SHB: variants seen among roughly 807,000 people sequenced by gnomAD.
The protein encoded by SHB is SH2 domain-containing adapter protein B.
In SHB, 20 loss-of-function variants were observed where a neutral mutation model predicts 52.3. The observed-to-expected ratio is 0.38, with a 90% CI of 0.27 to 0.56. The LOEUF (loss-of-function observed/expected upper bound fraction) is 0.56, where lower values mean the gene tolerates loss of function less well. Ranked by LOEUF, SHB falls within the 20% of genes least tolerant of loss-of-function variation. The probability of loss-of-function intolerance (pLI) is 0.71; values close to 1 mark genes in which losing one functional copy is unlikely to be tolerated. For synonymous variants in SHB, 397 were observed against 316.5 expected (o/e 1.25, Z -2.70); for missense variants, 825 against 723.3 (o/e 1.14, Z -1.61).
At chr9:37,950,411 C>T (rs372965670) in intron 4 of SHB, among the ~76,000 whole-genome samples, 6 of 152,086 alleles carry the variant, frequency 3.9e-5, no homozygotes, top group East Asian at 1.9e-4. Context: ...CCTATAGGCA[C>T]GCACCGCCAT....
At chr9:38,036,955 T>C (rs1055814422) in intron 1 of SHB, among the ~76,000 whole-genome samples, 1 of 152,134 alleles carries the variant, frequency 6.6e-6, no homozygotes, top group Non-Finnish European at 1.5e-5. Flanking sequence ...CTCTTAATCT[T>C]ATGCTCAACA....
intron 3 of SHB, among the ~76,000 whole-genome samples, chr9:37,960,807 C>T (rs1028369698): frequency 3.3e-5 from 5 of 152,150 alleles, no homozygotes; most frequent in Admixed American, 1.3e-4. Context: ...GGCCCTGCCA[C>T]GTGGGTAATG....
In SHB at chr9:37,974,676, C is replaced by G. The variant is rs765729236; in HGVS notation, c.1000G>C (p.Asp334His). The change falls in exon 3 of 6, where the codon GAT becomes CAT. Residue 334 changes from aspartate to histidine, a missense_variant. Physicochemically the swap from Asp to His is moderately conservative, Grantham distance 81. Transcript: ENST00000377707. ...KLPQDDDRPA[D>H]EYDQPWEWNR... ...CACTCCCAAGGCTGGTCGTACTCAT[C>G]GGCGGGCCTGTCGTCATCCTGGGGC... 3.7e-6 allele frequency: 6 copies of G among 1,613,792 alleles called. No individual in the cohort carries two copies. Among genetic ancestry groups the G allele is most frequent in the Admixed American group, 3.3e-5 (2 of 59,970 alleles).
At chr9:37,950,086 G>A (rs994140620) in intron 4 of SHB, among the ~76,000 whole-genome samples, 3 of 152,100 alleles carry the variant, frequency 2.0e-5, no homozygotes, top group Non-Finnish European at 2.9e-5. Flanking sequence ...CTACAGGTGC[G>A]TGCCACCATA....
chr9:38,033,148 T>C (rs1051962324), intron 1 of SHB, among the ~76,000 whole-genome samples: 1 of 152,208 alleles, frequency 6.6e-6, no homozygotes, highest in Non-Finnish European at 1.5e-5. Flanking sequence ...CTGGACGATC[T>C]AAGGAGATGA....
intron 2 of SHB, among the ~76,000 whole-genome samples, chr9:37,980,773 C>T (rs964290777): frequency 1.8e-4 from 27 of 152,164 alleles, no homozygotes; most frequent in South Asian, 2.1e-4. Flanking sequence ...CCATGGGCCG[C>T]GGAATGGATG....
chr9:38,066,573 G>A (rs1385715162), intron 1 of SHB, among the ~76,000 whole-genome samples: 2 of 152,168 alleles, frequency 1.3e-5, no homozygotes, highest in Non-Finnish European at 2.9e-5. Context: ...GGCATCCTAG[G>A]TGCTTTAGAA....
intron 1 of SHB, among the ~76,000 whole-genome samples, chr9:38,059,492 T>G (rs1262636270): frequency 6.6e-6 from 1 of 152,174 alleles, no homozygotes; most frequent in Non-Finnish European, 1.5e-5. Flanking sequence ...TCTTCCTGCC[T>G]CGGGAGTTAG....
chr9:38,001,805 A>G (rs765580048), intron 2 of SHB, among the ~76,000 whole-genome samples: 16 of 152,200 alleles, frequency 1.1e-4, no homozygotes, highest in Non-Finnish European at 2.1e-4. Flanking sequence ...CAATGACTTG[A>G]GCGCTTGGCA....
At chr9:38,013,147 A>G (rs1471469353) in intron 2 of SHB, among the ~76,000 whole-genome samples, 1 of 152,184 alleles carries the variant, frequency 6.6e-6, no homozygotes, top group African/African-American at 2.4e-5. Context: ...TAAAAATAAG[A>G]ATTGTGGGTA....
intron 4 of SHB, among the ~76,000 whole-genome samples, chr9:37,951,951 G>GA (rs1419035748): frequency 1.3e-5 from 2 of 152,220 alleles, no homozygotes; most frequent in African/African-American, 4.8e-5. Context: ...GCTTCACCTG[G>GA]AAAGAGAATC....
chr9:37,955,105 G>T lies in SHB; in HGVS notation c.1226+778C>A, dbSNP rs997012089. ...TCAAGCAGACATGGAGCAAGAACAC[G>T]ACTGTAGCTAGAAAATAAATCTAAT... is the stretch of plus-strand genomic sequence containing the variant. On this transcript the variant is annotated intron_variant, in intron 4 of 5. Coordinates refer to ENST00000377707, the MANE Select transcript of SHB (RefSeq NM_003028.3). Among the ~76,000 whole-genome samples, 5 of 152,302 alleles carry T rather than the reference G, an allele frequency of 3.3e-5. No homozygotes were observed. The East Asian group carries it at 5.8e-4, about 18-fold the overall frequency.
intron 3 of SHB, among the ~76,000 whole-genome samples, chr9:37,958,188 G>A (rs1330399443): frequency 6.6e-6 from 1 of 152,184 alleles, no homozygotes; most frequent in East Asian, 1.9e-4. Context: ...GGGACAGAGA[G>A]CATGTGTACA....
chr9:37,925,959 G>A (rs547232022), intron 5 of SHB, among the ~76,000 whole-genome samples: 3 of 152,262 alleles, frequency 2.0e-5, no homozygotes, highest in South Asian at 2.1e-4. Flanking sequence ...TCTGATCCCT[G>A]GGAGCACTGC....
At chr9:37,941,239 G>A (rs529698068) in intron 5 of SHB, among the ~76,000 whole-genome samples, 157 of 152,304 alleles carry the variant, frequency 1.0e-3, no homozygotes, top group Admixed American at 2.0e-3. Flanking sequence ...CCAACAACCC[G>A]TGGCTCTCTG....
At chr9:38,061,180 C>T (rs190747795) in intron 1 of SHB, among the ~76,000 whole-genome samples, 18 of 152,006 alleles carry the variant, frequency 1.2e-4, no homozygotes, top group Non-Finnish European at 2.1e-4. Context: ...GGTGTGCTGG[C>T]GTGTGACTAT....
At position 37,997,163 on chromosome 9, in the gene SHB, C is replaced by T. The variant is rs544911270; in HGVS notation, c.838+18848G>A. Among the ~76,000 whole-genome samples, 92 of 152,324 alleles carry T rather than the reference C, an allele frequency of 6.0e-4. 1 individual carries two copies. Among genetic ancestry groups the T allele is most frequent in the African/African-American group, 2.2e-3 (91 of 41,578 alleles). Reference sequence around the variant, plus strand: ...TAGTCATCGAACATCTTGGCAGCCACGTCTCCCCTCTGTAAGTTCTTGAAG... The same window carrying T: ...TAGTCATCGAACATCTTGGCAGCCATGTCTCCCCTCTGTAAGTTCTTGAAG... On this transcript the variant is annotated intron_variant, in intron 2 of 5. Transcript: ENST00000377707.
intron 5 of SHB, chr9:37,936,755 G>A (rs1388437373): frequency 2.0e-5 from 3 of 152,154 alleles, no homozygotes; most frequent in Non-Finnish European, 2.9e-5. Context: ...AATTCTAGAA[G>A]AGCTGTAACA....
chr9:38,016,147 T>C lies in SHB; in HGVS notation c.718-16A>G, dbSNP rs772784373. 1.2e-5 allele frequency: 19 copies of C among 1,613,714 alleles called. No individual in the cohort carries two copies. The highest frequency in any genetic ancestry group is 1.7e-5 in the Admixed American group (1 of 59,984). ...CTATGGTCACCTGCAGGGAGGAAGA[T>C]GGCAGGTGTGAGTCCACCTTTGGCT... On this transcript the variant is annotated splice_polypyrimidine_tract_variant and intron_variant, in intron 1 of 5. Coordinates refer to ENST00000377707, the MANE Select transcript of SHB (RefSeq NM_003028.3).
Sources: gnomAD v4.1 joint callset for allele counts (sites outside exome capture counted in the v4.1 genomes callset) on GRCh38, gnomAD v4.1.1 for gene constraint, MANE v1.5 for transcripts, NCBI Gene and HGNC (gene_info 2026-07-23, HGNC 2026-07-21) for gene names.